Variants in DAB1 observed in about 807,000 individuals in gnomAD.
The protein encoded by DAB1 is DAB adaptor protein 1.
DAB1 carries 15 observed loss-of-function variants against 64.6 expected under a neutral mutation model. The ratio of observed to expected loss-of-function variants is 0.23; its 90% CI spans 0.16 to 0.36. The LOEUF (loss-of-function observed/expected upper bound fraction) is 0.36. DAB1 is among the 10% of genes least tolerant of loss of function. The pLI is 1.00. For missense variants in DAB1, 596 were observed against 706.7 expected (o/e 0.84, Z 1.78); for synonymous variants, 235 against 251.9 (o/e 0.93, Z 0.64).
intron 6 of DAB1, among the ~76,000 whole-genome samples, chr1:57,785,825 T>C (rs1650312290): frequency 6.6e-6 from 1 of 152,198 alleles, no homozygotes; most frequent in African/African-American, 2.4e-5. Context: ...ATAAACTTGA[T>C]TGATGAAGCA....
rs141247496 is a variant in DAB1, at chr1:57,608,518, A to G, written n.625+41074T>C. 6.1e-3 allele frequency among the ~76,000 whole-genome samples: 924 copies of G among 152,334 alleles called. 9 individuals are homozygous for G. Among genetic ancestry groups the G allele is most frequent in the South Asian group, 0.011 (51 of 4,828 alleles). ...TCTGAAAGCTTGGCAGGCCGTGAGT[A>G]AAAACCTGCACTTATCAATAGACTT... On this transcript the variant is annotated intron_variant and non_coding_transcript_variant, in intron 7 of 20. Transcript: ENST00000485760.
intron 7 of DAB1, among the ~76,000 whole-genome samples, chr1:57,617,804 T>C (rs1645806604): frequency 6.6e-6 from 1 of 152,230 alleles, no homozygotes; most frequent in Admixed American, 6.5e-5. Context: ...GCTTGTTTGC[T>C]CATTCATGAA....
At chr1:57,379,137 G>A (rs1040291199) in intron 1 of DAB1, among the ~76,000 whole-genome samples, 3 of 151,850 alleles carry the variant, frequency 2.0e-5, no homozygotes, top group Admixed American at 1.3e-4. Flanking sequence ...AGAAAGAAGC[G>A]GGTAGTAAGG....
At chr1:57,305,825 C>T (rs1162455432) in intron 1 of DAB1, among the ~76,000 whole-genome samples, 8 of 151,680 alleles carry the variant, frequency 5.3e-5, no homozygotes, top group African/African-American at 1.5e-4. Flanking sequence ...AAAAATTAGC[C>T]GGGCGCGGTT....
chr1:58,108,137 C>A (rs752568996), intron 5 of DAB1, among the ~76,000 whole-genome samples: 1 of 152,066 alleles, frequency 6.6e-6, no homozygotes, highest in Non-Finnish European at 1.5e-5. Flanking sequence ...GGAGCCCTGG[C>A]GGGATTTTCA....
chr1:58,464,395 G>A (rs564217058), intron 3 of DAB1, among the ~76,000 whole-genome samples: 2 of 152,286 alleles, frequency 1.3e-5, no homozygotes, highest in Admixed American at 6.5e-5. Context: ...GGGAGAGGAT[G>A]GAATGAAGTG....
rs528789107 is a variant in DAB1 at position 57,019,615 on chromosome 1, G to A, written c.895+3916C>T. On this transcript the variant is annotated intron_variant, in intron 11 of 14. Coordinates refer to ENST00000371236, the MANE Select transcript of DAB1 (RefSeq NM_001365792.1). ...TGGCCACATGGTCTTGTGCATGAGC[G>A]AAGGGACACGTCAGCAGCAGGACAG... 3.9e-5 allele frequency among the ~76,000 whole-genome samples: 6 copies of A among 152,348 alleles called. No individual in the cohort carries two copies. The East Asian group carries it at 9.7e-4, about 25-fold the overall frequency.
At chr1:57,181,978 T>C (rs1336722179) in intron 2 of DAB1, among the ~76,000 whole-genome samples, 4 of 152,172 alleles carry the variant, frequency 2.6e-5, no homozygotes, top group East Asian at 1.9e-4. Context: ...CTCTGCCTCC[T>C]GGGTTCAAGT....
chr1:57,564,682 A>C (rs961225888), intron 7 of DAB1, among the ~76,000 whole-genome samples: 1 of 152,238 alleles, frequency 6.6e-6, no homozygotes, highest in African/African-American at 2.4e-5. Context: ...AAAGGGTATC[A>C]GTGATTGAAG....
intron 2 of DAB1, among the ~76,000 whole-genome samples, chr1:57,271,590 G>A (rs1264251443): frequency 2.0e-5 from 3 of 152,184 alleles, no homozygotes; most frequent in African/African-American, 7.2e-5. Flanking sequence ...CAGGGGACAT[G>A]GTCTGGTAGA....
chr1:58,396,282 T>C (rs1454321917), intron 3 of DAB1, among the ~76,000 whole-genome samples: 1 of 152,120 alleles, frequency 6.6e-6, no homozygotes, highest in Non-Finnish European at 1.5e-5. Context: ...CCGGCTGCAC[T>C]GCCCAACAAA....
Position 57,542,803 on chromosome 1 carries a change from T to A in DAB1, n.625+106789A>T, listed in dbSNP as rs140358181. Among the ~76,000 whole-genome samples the A allele has an allele frequency of 1.4e-4, 21 of 152,236 alleles. No homozygotes were observed. In the East Asian group the frequency reaches 3.1e-3, roughly 22 times the overall value. On this transcript the variant is annotated intron_variant and non_coding_transcript_variant, in intron 7 of 20. Coordinates refer to the DAB1 transcript ENST00000485760. Reference sequence around the variant, plus strand: ...TCATGTAATTCTCTCCCACAATGTATCAGGGTTGGTCTGTGTGACAATAGA... The same window carrying A: ...TCATGTAATTCTCTCCCACAATGTAACAGGGTTGGTCTGTGTGACAATAGA...
chr1:58,341,621 G>A (rs1043188061), intron 4 of DAB1, among the ~76,000 whole-genome samples: 1 of 152,168 alleles, frequency 6.6e-6, no homozygotes, highest in Non-Finnish European at 1.5e-5. Flanking sequence ...AGTGGTAGTT[G>A]AGATTTGAAC....
At chr1:57,477,994 C>T (rs558308334) in intron 7 of DAB1, among the ~76,000 whole-genome samples, 3 of 152,056 alleles carry the variant, frequency 2.0e-5, no homozygotes, top group Non-Finnish European at 4.4e-5. Context: ...TGTTGGTGTG[C>T]TGCACCCATT....
chr1:58,307,485 G>A (rs1035413690), intron 4 of DAB1, among the ~76,000 whole-genome samples: 4 of 152,162 alleles, frequency 2.6e-5, no homozygotes, highest in African/African-American at 9.7e-5. Context: ...CTCAGGCTGG[G>A]GGACTGGTGT....
At chr1:57,046,101 G>T (rs1648450904) in intron 9 of DAB1, among the ~76,000 whole-genome samples, 1 of 152,186 alleles carries the variant, frequency 6.6e-6, no homozygotes, top group African/African-American at 2.4e-5. Context: ...ATCTGAATCA[G>T]CTGGGGGAAC....
At chr1:57,898,603 T>A (rs900792394) in intron 5 of DAB1, among the ~76,000 whole-genome samples, 5 of 152,258 alleles carry the variant, frequency 3.3e-5, no homozygotes, top group Middle Eastern at 3.4e-3. Flanking sequence ...GGAACAAATA[T>A]AGTGGTTAAG....
chr1:58,416,767 G>C (rs558332375), intron 3 of DAB1, among the ~76,000 whole-genome samples: 1 of 152,106 alleles, frequency 6.6e-6, no homozygotes, highest in Admixed American at 6.5e-5. Context: ...GAGAGACAGA[G>C]GGACAGATCT....
At chr1:58,048,352 A>G in intron 5 of DAB1, 1 of 1,005,836 alleles carries the variant, frequency 9.9e-7, no homozygotes, top group Non-Finnish European at 1.6e-6. Flanking sequence ...AATTGCCCAA[A>G]TCACTGTAGC....
Sources: gnomAD v4.1 joint callset for allele counts (sites outside exome capture counted in the v4.1 genomes callset) on GRCh38, gnomAD v4.1.1 for gene constraint, MANE v1.5 for transcripts, NCBI Gene and HGNC (gene_info 2026-07-23, HGNC 2026-07-21) for gene names.